KDM3B: variants seen among roughly 807,000 people sequenced by gnomAD.
The protein encoded by KDM3B is lysine demethylase 3B, also known as lysine-specific demethylase 3B.
KDM3B carries 10 observed loss-of-function variants against 170.0 expected under a neutral mutation model. The observed-to-expected ratio is 0.06, with a 90% CI of 0.04 to 0.10. The LOEUF (loss-of-function observed/expected upper bound fraction) is 0.10, where lower values mean the gene tolerates loss of function less well. Ranked by LOEUF, KDM3B falls within the 10% of genes least tolerant of loss-of-function variation. The pLI is 1.00. For synonymous variants in KDM3B, 831 were observed against 834.8 expected (o/e 1.00, Z 0.08); for missense variants, 1,394 against 2,195.2 (o/e 0.64, Z 7.29).
rs1162870518 is a variant in KDM3B at position 138,436,579 on chromosome 5, G to A, written c.*879G>A. On this transcript the variant is annotated 3_prime_UTR_variant, in exon 24 of 24. Transcript: ENST00000314358. ...CTTGAGGGAACAGTCATATGAGAAGGAACTTTGTCACATCTAAGCTGTGGT... is the reference window on the plus strand; with the variant it reads ...CTTGAGGGAACAGTCATATGAGAAGAAACTTTGTCACATCTAAGCTGTGGT... 1 of 152,156 alleles carries A rather than the reference G, an allele frequency of 6.6e-6. No homozygotes were observed. The highest frequency in any genetic ancestry group is 6.5e-5 in the Admixed American group (1 of 15,270). The allele number at this position is 152,156 out of a possible 1,614,324, so 9.4% of individuals were successfully genotyped here.
At chr5:138,382,634 G>A (rs1731197825) in intron 6 of KDM3B, among the ~76,000 whole-genome samples, 1 of 151,854 alleles carries the variant, frequency 6.6e-6, no homozygotes, top group Admixed American at 6.6e-5. Context: ...AGTCATTCTT[G>A]ACTTCCTAAA....
intron 6 of KDM3B, among the ~76,000 whole-genome samples, chr5:138,384,740 C>CAAAAAAAAAAAAAAAAAAAAAAAAAAAA (rs58389517): frequency 1.2e-5 from 1 of 85,930 alleles, no homozygotes; most frequent in African/African-American, 3.8e-5. Context: ...ACTCTTGTCT[C>CAAAAAAAAAAAAAAAAAAAAAAAAAAAA]AAAAAAAAAA....
At chr5:138,414,557 A>G (rs1763054855) in intron 11 of KDM3B, among the ~76,000 whole-genome samples, 1 of 152,188 alleles carries the variant, frequency 6.6e-6, no homozygotes, top group African/African-American at 2.4e-5. Flanking sequence ...GAACTTTTGG[A>G]GATGTAATAG....
chr5:138,378,699 A>G (rs1762056064), intron 4 of KDM3B, among the ~76,000 whole-genome samples: 1 of 151,892 alleles, frequency 6.6e-6, no homozygotes, highest in South Asian at 2.1e-4. Flanking sequence ...TCAAGGAAAG[A>G]TACGGCAGAA....
At chr5:138,401,723 C>A (rs776519725) in intron 11 of KDM3B, among the ~76,000 whole-genome samples, 1 of 152,112 alleles carries the variant, frequency 6.6e-6, no homozygotes, top group African/African-American at 2.4e-5. Context: ...AAAGTAGCTG[C>A]ACTATGTTAC....
Position 138,386,480 on chromosome 5 carries a change from T to A in KDM3B, c.1239T>A (p.Val413=), listed in dbSNP as rs963581306. Residue 413 remains valine, a synonymous_variant, in exon 7 of 24, where the codon GTT becomes GTA. Coordinates refer to ENST00000314358, the MANE Select transcript of KDM3B (RefSeq NM_016604.4). ...AGGCAGGAAAAACACTGGAACAAGT[T>A]GGCCAGGGCATAGTGGCTTCCGCAG... ...NKEAGKTLEQ[V]GQGIVASAAV... 1.9e-6 allele frequency: 3 copies of A among 1,614,174 alleles called. No homozygotes were observed. The highest frequency in any genetic ancestry group is 1.7e-5 in the Admixed American group (1 of 60,008).
At chr5:138,417,453 GTTATTT>G in intron 12 of KDM3B, 24 bp from the exon 13 acceptor site, 1 of 1,610,112 alleles carries the variant, frequency 6.2e-7, no homozygotes, top group South Asian at 1.1e-5. Flanking sequence ...GTATTCTGGT[GTTATTT>G]TTATTGTTAC....
At position 138,424,131 on chromosome 5, in the gene KDM3B, G is replaced by T. The variant is rs781431089; in HGVS notation, c.4029G>T (p.Val1343=). 4 of 1,610,816 alleles carry T rather than the reference G, an allele frequency of 2.5e-6. No individual in the cohort carries two copies. In the Admixed American group the frequency reaches 6.7e-5, roughly 27 times the overall value. ...TTCTTGACCACATCATTGCCTCAGT[G>T]GTAGAAAATAAGAAAACCTCAGATG... ...PNFLDHIIAS[V]VENKKTSDAS... is the part of the protein sequence containing the mutation. The change falls in exon 16 of 24, where the codon GTG becomes GTT. Residue 1343 remains valine (V), a synonymous_variant. Transcript: ENST00000314358.
intron 17 of KDM3B, 162 bp downstream of exon 17, chr5:138,425,744 G>A (rs62382360): frequency 1.3e-5 from 8 of 623,566 alleles, no homozygotes; most frequent in Admixed American, 6.3e-5. Flanking sequence ...GTGGTTGCTC[G>A]CTCCTGTAAT....
At chr5:138,422,532 C>T (rs775184180) in intron 15 of KDM3B, among the ~76,000 whole-genome samples, 7 of 151,984 alleles carry the variant, frequency 4.6e-5, no homozygotes, top group African/African-American at 1.2e-4. Context: ...CCCAGCTACT[C>T]GGGAGGTTGA....
intron 3 of KDM3B, among the ~76,000 whole-genome samples, chr5:138,376,478 G>T (rs1762001928): frequency 6.6e-6 from 1 of 151,930 alleles, no homozygotes; most frequent in South Asian, 2.1e-4. Flanking sequence ...GCCGAGACGG[G>T]CGGATCATGA....
At chr5:138,402,497 T>C (rs1190504391) in intron 11 of KDM3B, among the ~76,000 whole-genome samples, 1 of 152,192 alleles carries the variant, frequency 6.6e-6, no homozygotes, top group Non-Finnish European at 1.5e-5. Flanking sequence ...AACAAAGATA[T>C]CAGTACTTCC....
At chr5:138,408,416 A>G (rs976471804) in intron 11 of KDM3B, among the ~76,000 whole-genome samples, 3 of 151,544 alleles carry the variant, frequency 2.0e-5, no homozygotes, top group Non-Finnish European at 4.4e-5. Context: ...AAGAAATTGA[A>G]TTTGTAGTTT....
intron 1 of KDM3B, among the ~76,000 whole-genome samples, chr5:138,359,358 C>T (rs1000014593): frequency 9.2e-5 from 14 of 151,394 alleles, no homozygotes; most frequent in South Asian, 2.1e-4. Context: ...GACAGGGTTT[C>T]GCCATGTTGT....
intron 11 of KDM3B, among the ~76,000 whole-genome samples, 188 bp from the exon 12 acceptor site, chr5:138,414,944 C>G (rs13152997): frequency 0.17 from 26,016 of 151,708 alleles, 2,962 homozygotes; most frequent in South Asian, 0.35. Context: ...ATGATAGAGC[C>G]AAACCTTGTC....
chr5:138,391,394 T>C lies in KDM3B; in HGVS notation c.1762T>C (p.Ser588Pro). ...DTKPGSKAGS[S>P]VDRKVPAESM... ...TAAGCCAGGCTCTAAGGCTGGCAGC[T>C]CTGTGGACCGGAAAGTGCCTGCAGA... Residue 588 changes from serine to proline, a missense_variant, in exon 8 of 24, where the codon TCT becomes CCT. By Grantham distance (74) the Ser-to-Pro change is moderately conservative. Coordinates refer to ENST00000314358, the MANE Select transcript of KDM3B (RefSeq NM_016604.4). This position sits in a 1 kb window ranked among gnomAD's most constrained non-coding sequence, Gnocchi z 5.0. 1.2e-6 allele frequency: 2 copies of C among 1,613,760 alleles called. No individual in the cohort carries two copies. The highest frequency in any genetic ancestry group is 2.2e-5 in the South Asian group (2 of 91,052).
intron 15 of KDM3B, among the ~76,000 whole-genome samples, chr5:138,422,752 A>G (rs1011228536): frequency 4.6e-5 from 7 of 152,072 alleles, no homozygotes. Flanking sequence ...AGATATTATC[A>G]TATGTATGTT....
At chr5:138,354,383 G>C (rs1439832122) in intron 1 of KDM3B, among the ~76,000 whole-genome samples, 1 of 152,210 alleles carries the variant, frequency 6.6e-6, no homozygotes, top group Non-Finnish European at 1.5e-5. Flanking sequence ...AAAGATGGCT[G>C]GGATGGGAAA....
intron 7 of KDM3B, among the ~76,000 whole-genome samples, chr5:138,387,898 G>A (rs6859891): frequency 0.27 from 40,939 of 151,282 alleles, 5,950 homozygotes; most frequent in East Asian, 0.54. Flanking sequence ...TGGCTAACAC[G>A]GTGAAACCCC....
Sources: gnomAD v4.1 joint callset for allele counts (sites outside exome capture counted in the v4.1 genomes callset) on GRCh38, gnomAD v4.1.1 for gene constraint, Gnocchi (gnomAD v3.1) non-coding constraint, MANE v1.5 for transcripts, NCBI Gene and HGNC (gene_info 2026-07-23, HGNC 2026-07-21) for gene names.